The following NCS1 variants were observed in gnomAD, a reference collection of about 807,000 sequenced individuals.
The protein encoded by NCS1 is frequenin homolog.
A neutral mutation model predicts 28.4 loss-of-function variants in NCS1; 6 were observed. The observed-to-expected ratio is 0.21, with a 90% CI of 0.12 to 0.42. NCS1 has a LOEUF of 0.42. Ranked by LOEUF, NCS1 falls within the 10% of genes least tolerant of loss-of-function variation. The pLI, the probability that NCS1 is intolerant of heterozygous loss-of-function variation, is 1.00. For missense variants in NCS1, 131 were observed against 241.4 expected, an observed-to-expected ratio of 0.54 and a Z score of 3.03; for synonymous variants, 86 against 99.3, an observed-to-expected ratio of 0.87 and a Z score of 0.79.
rs555556483 is a variant in NCS1 at position 130,184,062 on chromosome 9, G to A, written c.64+11335G>A. Among the ~76,000 whole-genome samples the A allele has an allele frequency of 2.6e-4, 39 of 151,972 alleles. No individual in the cohort carries two copies. The South Asian group carries it at 3.1e-3, about 12-fold the overall frequency. ...CCTGACCTCATTATCCACCCGCCTC[G>A]GCCTCCCAAAGTGCTGGGATTACAG... is the stretch of plus-strand genomic sequence containing the variant. On this transcript the variant is annotated intron_variant, in intron 1 of 7. Transcript: ENST00000372398.
At chr9:130,225,544 T>C (rs1833400008) in intron 6 of NCS1, among the ~76,000 whole-genome samples, 1 of 152,216 alleles carries the variant, frequency 6.6e-6, no homozygotes, top group Non-Finnish European at 1.5e-5. Context: ...GTAGTCACAC[T>C]GACTGGGGTG....
rs1832823946 is a variant in NCS1, at chr9:130,192,137, A to G, written c.65-8821A>G. ...CTTTAGCCAGGCAGTGGTGGCAGAC[A>G]GGTATGGGATTGGGAGTGGGGGGTG... On this transcript the variant is annotated intron_variant, in intron 1 of 7. Transcript: ENST00000372398. This position sits in a 1 kb window ranked among gnomAD's most constrained non-coding sequence, Gnocchi z 4.8. 6.6e-6 allele frequency among the ~76,000 whole-genome samples: 1 copy of G among 152,040 alleles called. No homozygotes were observed. Among genetic ancestry groups the G allele is most frequent in the Non-Finnish European group, 1.5e-5 (1 of 67,970 alleles).
At chr9:130,212,915 C>T (rs1370909447) in intron 2 of NCS1, among the ~76,000 whole-genome samples, 2 of 152,150 alleles carry the variant, frequency 1.3e-5, no homozygotes, top group Non-Finnish European at 2.9e-5. Flanking sequence ...CCCAGCCTCA[C>T]AGCTGTGATT....
chr9:130,224,292 TAA>T (rs782488225), intron 6 of NCS1, among the ~76,000 whole-genome samples: 11 of 61,718 alleles, frequency 1.8e-4, no homozygotes, highest in Non-Finnish European at 1.6e-4. Context: ...CTTTCTCTAC[TAA>T]AAAAAAAAAA....
chr9:130,218,175 C>T (rs1833217168), intron 3 of NCS1, among the ~76,000 whole-genome samples: 1 of 152,202 alleles, frequency 6.6e-6, no homozygotes, highest in Non-Finnish European at 1.5e-5. Flanking sequence ...ACAGATGCAT[C>T]CAAATGCATG....
chr9:130,227,028 A>T (rs1833425488), intron 7 of NCS1, among the ~76,000 whole-genome samples: 3 of 150,984 alleles, frequency 2.0e-5, no homozygotes, highest in Non-Finnish European at 1.5e-5. Flanking sequence ...ATCTCAAAAA[A>T]AAAAAAAAAA....
In NCS1 at chr9:130,226,415, G is replaced by A; in HGVS notation, c.501G>A (p.Gln167=). ...DKNADGKLTL[Q]EFQEGSKADP... ...ATGCCGACGGGAAGCTGACCCTGCA[G>A]GAGTTCCAGGAGGGTTCCAAGGCAG... Residue 167 remains glutamine, a synonymous_variant, in exon 7 of 8, where the codon CAG becomes CAA. Coordinates refer to ENST00000372398, the MANE Select transcript of NCS1 (RefSeq NM_014286.4). This position sits in a 1 kb window ranked among gnomAD's most constrained non-coding sequence, Gnocchi z 4.8. 6.2e-7 allele frequency: 1 copy of A among 1,614,192 alleles called. No individual in the cohort carries two copies. The highest frequency in any genetic ancestry group is 8.5e-7 in the Non-Finnish European group (1 of 1,180,034).
At chr9:130,200,460 C>T (rs1043370765) in intron 1 of NCS1, 8 of 963,730 alleles carry the variant, frequency 8.3e-6, no homozygotes, top group African/African-American at 4.9e-5. Flanking sequence ...CAGGGACAGG[C>T]TGACAGGGAG....
At chr9:130,193,429 G>A (rs900040601) in intron 1 of NCS1, among the ~76,000 whole-genome samples, 4 of 152,078 alleles carry the variant, frequency 2.6e-5, no homozygotes, top group African/African-American at 7.3e-5. Context: ...GTGTGGGGGC[G>A]ACGTCCAGCC....
chr9:130,201,931 C>A (rs1367689617), intron 2 of NCS1, among the ~76,000 whole-genome samples: 2 of 152,226 alleles, frequency 1.3e-5, no homozygotes, highest in Non-Finnish European at 2.9e-5. Flanking sequence ...TCCTGGAATG[C>A]CCGCCTTCCT....
At chr9:130,227,801 G>T (rs1452270116) in intron 7 of NCS1, among the ~76,000 whole-genome samples, 3 of 152,218 alleles carry the variant, frequency 2.0e-5, no homozygotes, top group Non-Finnish European at 4.4e-5. Context: ...GTTAAGCTGG[G>T]TGCCTCTGGC....
At chr9:130,210,837 T>C (rs1228482312) in intron 2 of NCS1, among the ~76,000 whole-genome samples, 1 of 150,748 alleles carries the variant, frequency 6.6e-6, no homozygotes, top group African/African-American at 2.5e-5. Flanking sequence ...TTTTTCTTTT[T>C]CTTTTCTTTT....
intron 1 of NCS1, 30 bp from the exon 2 acceptor site, chr9:130,200,928 A>G: frequency 1.2e-6 from 2 of 1,614,152 alleles, no homozygotes; most frequent in African/African-American, 1.3e-5. Context: ...TCCCTGAGCT[A>G]AAAGCCTACT....
intron 4 of NCS1, 80 bp from the exon 5 acceptor site, chr9:130,222,570 G>A (rs1292611402): frequency 1.5e-5 from 18 of 1,185,826 alleles, no homozygotes; most frequent in Non-Finnish European, 2.1e-5. Flanking sequence ...TCATGTTGGG[G>A]TACAGAGAGG....
chr9:130,176,149 T>C (rs1554904587), intron 1 of NCS1, among the ~76,000 whole-genome samples: 1 of 65,568 alleles, frequency 1.5e-5, no homozygotes. Context: ...TTTCTTTCTT[T>C]CTTTCTTTCT....
At chr9:130,173,867 C>T (rs1239390389) in intron 1 of NCS1, among the ~76,000 whole-genome samples, 1 of 152,224 alleles carries the variant, frequency 6.6e-6, no homozygotes, top group Non-Finnish European at 1.5e-5. Context: ...CTGGGCACGT[C>T]TGCAGGTCTG....
At chr9:130,224,153 C>T (rs1399755243) in intron 6 of NCS1, among the ~76,000 whole-genome samples, 1 of 150,372 alleles carries the variant, frequency 6.7e-6, no homozygotes, top group East Asian at 2.0e-4. Flanking sequence ...GCCAAGAAAC[C>T]CTTCTTTAAA....
At position 130,185,488 on chromosome 9, in the gene NCS1, G is replaced by C. The variant is rs565244137; in HGVS notation, c.64+12761G>C. ...GATCCTGAGAAGTGGGGTGTGGGGA[G>C]GCTGGGCCCCAGCTGGCCAGGCCTC... On this transcript the variant is annotated intron_variant, in intron 1 of 7. Coordinates refer to ENST00000372398, the MANE Select transcript of NCS1 (RefSeq NM_014286.4). 3.9e-5 allele frequency among the ~76,000 whole-genome samples: 6 copies of C among 152,192 alleles called. No individual in the cohort carries two copies. In the South Asian group the frequency reaches 1.0e-3, roughly 26 times the overall value.
chr9:130,214,860 AG>A (rs2131147962), intron 2 of NCS1, among the ~76,000 whole-genome samples: 1 of 152,212 alleles, frequency 6.6e-6, no homozygotes, highest in Admixed American at 6.5e-5. Flanking sequence ...TAACCTCTGC[AG>A]GGGTAACTGG....
Sources: gnomAD v4.1 joint callset for allele counts (sites outside exome capture counted in the v4.1 genomes callset) on GRCh38, gnomAD v4.1.1 for gene constraint, Gnocchi (gnomAD v3.1) non-coding constraint, MANE v1.5 for transcripts, NCBI Gene and HGNC (gene_info 2026-07-23, HGNC 2026-07-21) for gene names.